Variants in ERMARD observed in about 807,000 individuals in gnomAD.
ERMARD encodes the protein endoplasmic reticulum membrane-associated RNA degradation protein.
ERMARD carries 71 observed loss-of-function variants against 83.9 expected under a neutral mutation model. The observed-to-expected ratio is 0.85, with a 90% CI of 0.70 to 1.03. The LOEUF (loss-of-function observed/expected upper bound fraction) is 1.03. Ranked by LOEUF, ERMARD falls within the 50% of genes least tolerant of loss-of-function variation. The probability of loss-of-function intolerance (pLI) is 0.00; values close to 1 mark genes in which losing one functional copy is unlikely to be tolerated. For missense variants in ERMARD, 838 were observed against 810.9 expected (o/e 1.03, Z -0.41); for synonymous variants, 284 against 298.6 (o/e 0.95, Z 0.50).
At position 169,775,404 on chromosome 6, in the gene ERMARD, G is replaced by T. The variant is rs1793468345; in HGVS notation, c.1394+58G>T. On this transcript the variant is annotated intron_variant, in intron 14 of 17. Coordinates refer to ENST00000366773, the MANE Select transcript of ERMARD (RefSeq NM_018341.3). ...AGCTTGTCTGGTACTATTAGTTTCA[G>T]CAGCATTTCTTCTTTAACGAGGCTG... 6.4e-6 allele frequency: 10 copies of T among 1,570,582 alleles called. No homozygotes were observed. The Admixed American group carries it at 1.5e-4, about 24-fold the overall frequency.
At chr6:169,751,731 C>T in intron 1 of ERMARD, 68 bp downstream of exon 1, 1 of 1,487,828 alleles carries the variant, frequency 6.7e-7, no homozygotes, top group African/African-American at 1.4e-5. Flanking sequence ...CTGGGTGGTG[C>T]TCGGCTACGC....
intron 7 of ERMARD, 51 bp downstream of exon 7, chr6:169,760,025 A>C (rs1478496186): frequency 6.2e-7 from 1 of 1,609,644 alleles, no homozygotes; most frequent in Admixed American, 1.7e-5. Context: ...AGATATTTGC[A>C]AAGTCAGTAA....
chr6:169,760,524 G>A (rs1050715902), intron 7 of ERMARD, 118 bp from the exon 8 acceptor site: 6 of 685,064 alleles, frequency 8.8e-6, no homozygotes, highest in African/African-American at 1.8e-5. Flanking sequence ...CCCTGCTGCA[G>A]GGGTCACGGT....
intron 8 of ERMARD, among the ~76,000 whole-genome samples, chr6:169,761,724 C>T (rs1379384163): frequency 6.7e-6 from 1 of 148,372 alleles, no homozygotes; most frequent in African/African-American, 2.5e-5. Flanking sequence ...ACTGTGTCAC[C>T]CTGGCTGGAG....
rs549048349 is a variant in ERMARD, at chr6:169,779,230, G to C, written c.1788G>C (p.Ala596=). ...PVLSLILLLI[A]LELVNIHAVC... ...TCAGCCTGATACTGTTACTCATTGCGCTGGAGTTGGTCAACATTCATGCTG... is the reference window on the plus strand; with the variant it reads ...TCAGCCTGATACTGTTACTCATTGCCCTGGAGTTGGTCAACATTCATGCTG... The change falls in exon 17 of 18, where the codon GCG becomes GCC. Residue 596 remains alanine (A), a synonymous_variant. Transcript: ENST00000366773. The C allele has an allele frequency of 1.9e-6, 3 of 1,614,182 alleles. No homozygotes were observed. In the East Asian group the frequency reaches 6.7e-5, roughly 36 times the overall value.
Position 169,775,349 on chromosome 6 carries a change from G to A in ERMARD, c.1394+3G>A, listed in dbSNP as rs745953654. On this transcript the variant is annotated splice_donor_region_variant and intron_variant, in intron 14 of 17. Coordinates refer to ENST00000366773, the MANE Select transcript of ERMARD (RefSeq NM_018341.3). ...GAACTCACTCGGCAAGCCGTCAGGT[G>A]CGTGGCATCCTGGGGCCTGGCTGAC... 6.2e-6 allele frequency: 10 copies of A among 1,614,050 alleles called. No individual in the cohort carries two copies. The highest frequency in any genetic ancestry group is 1.3e-5 in the African/African-American group (1 of 75,056).
intron 9 of ERMARD, among the ~76,000 whole-genome samples, chr6:169,762,971 C>T (rs147170681): frequency 6.6e-6 from 1 of 152,324 alleles, no homozygotes; most frequent in Non-Finnish European, 1.5e-5. Context: ...GGTGCCAGCC[C>T]TGCAGCAGGT....
Position 169,779,287 on chromosome 6 carries a change from G to A in ERMARD, c.1845G>A (p.Gln615=), listed in dbSNP as rs1306966063. The change falls in exon 17 of 18, where the codon CAG becomes CAA. Residue 615 remains glutamine, a synonymous_variant. Coordinates refer to ENST00000366773, the MANE Select transcript of ERMARD (RefSeq NM_018341.3). ...GGAAGAATGCGCATGAGTATCAGCA[G>A]TACCTAAAGTAAGTGTGTCACAGTA... ...VCGKNAHEYQ[Q]YLKFVKSILQ... is the part of the protein sequence containing the mutation. The A allele has an allele frequency of 6.2e-7, 1 of 1,613,892 alleles. No individual in the cohort carries two copies. The highest frequency in any genetic ancestry group is 8.5e-7 in the Non-Finnish European group (1 of 1,179,764).
intron 13 of ERMARD, 51 bp from the exon 14 acceptor site, chr6:169,775,219 T>C: frequency 6.4e-7 from 1 of 1,574,580 alleles, no homozygotes; most frequent in Non-Finnish European, 8.7e-7. Context: ...ACACAGATTT[T>C]CTAGGAAGTT....
At chr6:169,754,061 T>A (rs1228042356) in intron 2 of ERMARD, 29 bp downstream of exon 2, 2 of 1,573,074 alleles carry the variant, frequency 1.3e-6, no homozygotes, top group South Asian at 2.3e-5. Context: ...CTCCAAACTT[T>A]CATAACTGTC....
intron 17 of ERMARD, among the ~76,000 whole-genome samples, chr6:169,781,032 C>T (rs1794144104): frequency 2.6e-5 from 4 of 152,150 alleles, no homozygotes; most frequent in African/African-American, 9.7e-5. Flanking sequence ...GCAGATGACC[C>T]CTAAGTTCCT....
Position 169,756,674 on chromosome 6 carries a change from TTGGCTCA to T in ERMARD, c.418-43_418-37del. ...TCATGGATAATGTTTTTAATGTTTA[TTGGCTCA>T]TAATACAACTGTTACACAATTTTTG... On this transcript the variant is annotated intron_variant, in intron 4 of 17. Transcript: ENST00000366773. 5.3e-6 allele frequency: 8 copies of T among 1,515,580 alleles called. No individual in the cohort carries two copies. In the South Asian group the frequency reaches 7.9e-5, roughly 15 times the overall value. The allele number at this position is 1,515,580 out of a possible 1,614,324, so 93.9% of individuals were successfully genotyped here. A position where few individuals can be genotyped will look rare whatever the true frequency, so the allele number is the denominator to read the frequency against.
intron 10 of ERMARD, 101 bp downstream of exon 10, chr6:169,766,768 A>G: frequency 7.9e-7 from 1 of 1,265,766 alleles, no homozygotes; most frequent in Non-Finnish European, 1.1e-6. Context: ...CATAAATCAT[A>G]TACTTACAGG....
upstream of ERMARD, chr6:169,751,606 G>C: frequency 2.5e-6 from 4 of 1,586,746 alleles, no homozygotes; most frequent in Non-Finnish European, 2.6e-6. Context: ...TGGAGGAGGG[G>C]CGCGCAGGCG....
intron 7 of ERMARD, 101 bp downstream of exon 7, chr6:169,760,075 G>C (rs1046617344): frequency 1.3e-6 from 2 of 1,549,346 alleles, no homozygotes; most frequent in African/African-American, 2.7e-5. Flanking sequence ...GGGTGAAGTA[G>C]TTGTTCTTCA....
intron 8 of ERMARD, among the ~76,000 whole-genome samples, 183 bp from the exon 9 acceptor site, chr6:169,762,246 T>C (rs559803822): frequency 6.6e-6 from 1 of 152,252 alleles, no homozygotes; most frequent in South Asian, 2.1e-4. Context: ...CACTGCACTC[T>C]GCTAATTTCT....
chr6:169,760,943 A>C (rs544458880), intron 8 of ERMARD, among the ~76,000 whole-genome samples, 187 bp downstream of exon 8: 30 of 152,306 alleles, frequency 2.0e-4, no homozygotes, highest in Admixed American at 2.0e-4. Context: ...TATATTGGAA[A>C]CATTGCCTTT....
intron 17 of ERMARD, among the ~76,000 whole-genome samples, chr6:169,780,078 G>A (rs1191477142): frequency 6.6e-6 from 1 of 151,824 alleles, no homozygotes; most frequent in Non-Finnish European, 1.5e-5. Flanking sequence ...TACAACTGGG[G>A]TGTCTTATGG....
chr6:169,770,563 C>G (rs1792774093), intron 12 of ERMARD: 1 of 152,084 alleles, frequency 6.6e-6, no homozygotes, highest in Non-Finnish European at 1.5e-5. Flanking sequence ...CGTAAATACT[C>G]TTAAAAAGTA....
Sources: allele counts gnomAD v4.1 joint callset (sites outside exome capture counted in the v4.1 genomes callset), GRCh38; gene constraint gnomAD v4.1.1; transcripts MANE v1.5; gene names NCBI Gene and HGNC (gene_info 2026-07-23, HGNC 2026-07-21).